TPR: variants seen among roughly 807,000 people sequenced by gnomAD.
TPR encodes translocated promoter region, nuclear basket protein.
In TPR, 51 loss-of-function variants were observed where a neutral mutation model predicts 316.1. The ratio of observed to expected loss-of-function variants is 0.16; its 90% CI spans 0.13 to 0.20. The LOEUF is 0.20. Ranked by LOEUF, TPR falls within the 10% of genes least tolerant of loss-of-function variation. The pLI is 1.00. For missense variants in TPR, 2,272 were observed against 2,754.8 expected, an observed-to-expected ratio of 0.82 and a Z score of 3.92; for synonymous variants, 981 against 914.7, an observed-to-expected ratio of 1.07 and a Z score of -1.31.
intron 4 of TPR, among the ~76,000 whole-genome samples, chr1:186,366,118 A>T (rs1483692956): frequency 3.9e-5 from 6 of 152,232 alleles, no homozygotes; most frequent in African/African-American, 1.4e-4. Flanking sequence ...AATGTATAGA[A>T]ACATTTTTAG....
In TPR at chr1:186,355,423, A is replaced by T; in HGVS notation, c.2158T>A (p.Phe720Ile). The change falls in exon 17 of 51, where the codon TTT (phenylalanine) becomes ATT (isoleucine). Residue 720 changes from phenylalanine to isoleucine, a missense_variant. Physicochemically the swap from Phe to Ile is conservative, Grantham distance 21 (BLOSUM62 0). Transcript: ENST00000367478. The part of the protein sequence containing the change: ...QNTKISTQLD[F>I]ASKRYEMLQD... ...AAGAAAACTTACCGTTTAGAAGCAA[A>T]ATCTAGCTGGGTAGAAATTTTGGTA... is the stretch of plus-strand genomic sequence containing the variant. 6.2e-7 allele frequency: 1 copy of T among 1,609,792 alleles called. No homozygotes were observed. The highest frequency in any genetic ancestry group is 8.5e-7 in the Non-Finnish European group (1 of 1,179,174).
At chr1:186,340,729 C>A (rs1023079458) in intron 29 of TPR, among the ~76,000 whole-genome samples, 2 of 151,856 alleles carry the variant, frequency 1.3e-5, no homozygotes, top group South Asian at 2.1e-4. Context: ...CCGTGTCTGG[C>A]CTCAGATTTC....
rs1025528217 is a variant in TPR at position 186,369,809 on chromosome 1, T to C, written c.330+1161A>G. ...CAAGTGGTGAGTGGGCATCCCAGCC[T>C]TGCATTGGATCTTAGTGAAAAAGCT... On this transcript the variant is annotated intron_variant, in intron 3 of 50. Transcript: ENST00000367478. Among the ~76,000 whole-genome samples, 10 of 152,314 alleles carry C rather than the reference T, an allele frequency of 6.6e-5. No individual in the cohort carries two copies. The South Asian group carries it at 2.1e-3, about 32-fold the overall frequency.
chr1:186,333,495 G>GTCTACCAAGTGCCAAATCT, intron 36 of TPR, 101 bp from the exon 37 acceptor site: 1 of 1,444,956 alleles, frequency 6.9e-7, no homozygotes, highest in Non-Finnish European at 9.3e-7. Flanking sequence ...ACACAGATTT[G>GTCTACCAAGTGCCAAATCT]GCACTTGGTA....
chr1:186,363,636 T>C (rs1344403258), intron 4 of TPR, among the ~76,000 whole-genome samples, 191 bp from the exon 5 acceptor site: 3 of 152,088 alleles, frequency 2.0e-5, no homozygotes, highest in South Asian at 2.1e-4. Context: ...TGGAATTTTT[T>C]CCCAAAAACT....
chr1:186,334,986 C>A (rs1658296402), intron 35 of TPR, 82 bp downstream of exon 35: 2 of 1,410,468 alleles, frequency 1.4e-6, no homozygotes, highest in African/African-American at 1.4e-5. Flanking sequence ...ACACAGATTT[C>A]TTTTTCCTAA....
rs767516560 is a variant in TPR at position 186,362,887 on chromosome 1, C to T, written c.646G>A (p.Gly216Arg). ...CATTTAAGCTCTAGAATCTCATTCC[C>T]TTTTTCTCTTCCAAGAGCCAGAAGT... ...DELLALGREK[G>R]NEILELKCNL... Residue 216 changes from glycine (G) to arginine (R), a missense_variant, in exon 6 of 51, where the codon GGG becomes AGG. Around this residue, in one of 10 missense-constraint regions of TPR, gnomAD observed 549 missense variants for 598.6 expected, o/e 0.92. Transcript: ENST00000367478. 1.9e-6 allele frequency: 3 copies of T among 1,609,564 alleles called. No individual in the cohort carries two copies. Among genetic ancestry groups the T allele is most frequent in the Non-Finnish European group, 2.5e-6 (3 of 1,178,344 alleles).
At chr1:186,350,938 TA>T (rs201080260) in intron 20 of TPR, among the ~76,000 whole-genome samples, 1 of 152,048 alleles carries the variant, frequency 6.6e-6, no homozygotes, top group Admixed American at 6.6e-5. Context: ...GCAGCCAGAC[TA>T]AAAAAACCCC....
In TPR at chr1:186,370,898, T is replaced by C. The variant is rs922778716; in HGVS notation, c.330+72A>G. The C allele has an allele frequency of 4.5e-6, 6 of 1,338,232 alleles. No homozygotes were observed. In the African/African-American group the frequency reaches 7.2e-5, roughly 16 times the overall value. The allele number at this position is 1,338,232 out of a possible 1,614,324, so 82.9% of individuals were successfully genotyped here. On this transcript the variant is annotated intron_variant, in intron 3 of 50. Transcript: ENST00000367478. ...CATCTTCCCATTGACTAATAACTGA[T>C]AAACAATCAGAATAGAATGTCCCTT...
intron 13 of TPR, 95 bp from the exon 14 acceptor site, chr1:186,357,718 AAACCTT>A: frequency 2.8e-6 from 3 of 1,066,516 alleles, no homozygotes; most frequent in Non-Finnish European, 4.0e-6. Flanking sequence ...ATTACTTATA[AAACCTT>A]CAACTTGTAC....
chr1:186,329,410 C>T (rs1290287172), intron 39 of TPR, among the ~76,000 whole-genome samples: 2 of 152,130 alleles, frequency 1.3e-5, no homozygotes, highest in African/African-American at 4.8e-5. Flanking sequence ...GGAATATTTG[C>T]ATATCCATAA....
intron 46 of TPR, among the ~76,000 whole-genome samples, chr1:186,319,471 T>C (rs1039076345): frequency 1.3e-5 from 2 of 152,212 alleles, no homozygotes; most frequent in Admixed American, 1.3e-4. Flanking sequence ...GCTTAAAATG[T>C]TGGCATTCCA....
At chr1:186,363,811 T>C (rs1659260026) in intron 4 of TPR, among the ~76,000 whole-genome samples, 1 of 152,042 alleles carries the variant, frequency 6.6e-6, no homozygotes. Context: ...TGATACAAAC[T>C]TAAAAAATTT....
intron 34 of TPR, 94 bp downstream of exon 34, chr1:186,335,244 A>G (rs969167408): frequency 6.4e-7 from 1 of 1,552,088 alleles, no homozygotes; most frequent in African/African-American, 1.4e-5. Flanking sequence ...TTTTAGCCAA[A>G]ATTCACTGAC....
At chr1:186,368,055 T>G in intron 3 of TPR, 73 bp from the exon 4 acceptor site, 1 of 1,063,572 alleles carries the variant, frequency 9.4e-7, no homozygotes, top group Non-Finnish European at 1.4e-6. Context: ...GAATTGTCAC[T>G]TTAGTTAACA....
intron 32 of TPR, 60 bp downstream of exon 32, chr1:186,336,953 C>T: frequency 6.2e-7 from 1 of 1,602,630 alleles, no homozygotes. Flanking sequence ...GTAGTTAACA[C>T]ATATTTCTTT....
At chr1:186,343,253 T>G (rs1049027609) in intron 27 of TPR, 73 bp downstream of exon 27, 2 of 1,520,984 alleles carry the variant, frequency 1.3e-6, no homozygotes, top group African/African-American at 2.8e-5. Context: ...TACATTACGT[T>G]AAATGGTAGA....
chr1:186,358,790 A>T (rs1659099936), intron 12 of TPR, 140 bp from the exon 13 acceptor site: 9 of 664,356 alleles, frequency 1.4e-5, no homozygotes, highest in Middle Eastern at 3.9e-4. Context: ...TAGCCACTAA[A>T]AAAGAAGTTT....
rs745346765 is a variant in TPR at position 186,333,198 on chromosome 1, T to C, written c.5379A>G (p.Leu1793=). The part of the protein sequence containing the change: ...HPQIEPANQE[L]SSNIVEVVQS... The stretch of plus-strand genomic sequence containing the variant: ...GAACAACCTCTACTATGTTTGAAGA[T>C]AACTCTTGATTGGCAGGCTCAATCT... Residue 1793 remains leucine (L), a synonymous_variant, in exon 37 of 51, where the codon TTA becomes TTG. Coordinates refer to ENST00000367478, the MANE Select transcript of TPR (RefSeq NM_003292.3). 3.1e-6 allele frequency: 5 copies of C among 1,613,666 alleles called. No homozygotes were observed. The highest frequency in any genetic ancestry group is 4.2e-6 in the Non-Finnish European group (5 of 1,179,692).
Sources: gnomAD v4.1 joint callset for allele counts (sites outside exome capture counted in the v4.1 genomes callset) on GRCh38, gnomAD v4.1.1 for gene constraint, gnomAD v4.1.1 regional missense constraint, MANE v1.5 for transcripts, NCBI Gene and HGNC (gene_info 2026-07-23, HGNC 2026-07-21) for gene names.